NR5A2: variants seen among roughly 807,000 people sequenced by gnomAD.
NR5A2 encodes the protein nuclear receptor subfamily 5 group A member 2.
In NR5A2, 26 loss-of-function variants were observed where a neutral mutation model predicts 62.7. That is an observed-to-expected ratio of 0.41 (90% CI 0.30 to 0.58). NR5A2 has a LOEUF of 0.58. Among genes scored for constraint, NR5A2 ranks in the 20% least tolerant of loss-of-function variants. The pLI is 0.22. For synonymous variants in NR5A2, 246 were observed against 241.7 expected (o/e 1.02, Z -0.16); for missense variants, 541 against 669.1 (o/e 0.81, Z 2.11).
At chr1:200,156,563 T>C (rs1050128752) in intron 7 of NR5A2, among the ~76,000 whole-genome samples, 1 of 152,002 alleles carries the variant, frequency 6.6e-6, no homozygotes, top group Non-Finnish European at 1.5e-5. Context: ...CACACCCGGC[T>C]AATTTTTGTA....
intron 5 of NR5A2, among the ~76,000 whole-genome samples, chr1:200,053,563 G>GCACACACA (rs1356868019): frequency 2.8e-5 from 2 of 70,362 alleles, no homozygotes; most frequent in South Asian, 5.6e-4. Context: ...CCCCCAGCAT[G>GCACACACA]CACACGCACA....
chr1:200,142,806 T>C (rs1243502920), intron 7 of NR5A2, among the ~76,000 whole-genome samples: 1 of 152,136 alleles, frequency 6.6e-6, no homozygotes, highest in Non-Finnish European at 1.5e-5. Flanking sequence ...AATTAATCAA[T>C]TTATTTATTA....
rs1661400254 is a variant in NR5A2, at chr1:200,027,786, AC to A, written c.-61del. The stretch of plus-strand genomic sequence containing the variant: ...AAGGCCACGAAATTTGACAAGCTGC[AC>A]TTTTCTTTTGCTCAATGATTTCTGC... On this transcript the variant is annotated 5_prime_UTR_variant, in exon 1 of 8. Coordinates refer to ENST00000367362, the MANE Select transcript of NR5A2 (RefSeq NM_205860.3). The A allele has an allele frequency of 2.4e-6, 3 of 1,257,020 alleles. No homozygotes were observed. The East Asian group carries it at 7.1e-5, about 30-fold the overall frequency. 77.9% of individuals were successfully genotyped at this position (1,257,020 alleles called of 1,614,324 possible). A position where few individuals can be genotyped will look rare whatever the true frequency, so the allele number is the denominator to read the frequency against.
chr1:200,084,310 A>T (rs1238958750), intron 5 of NR5A2, among the ~76,000 whole-genome samples: 1 of 152,140 alleles, frequency 6.6e-6, no homozygotes, highest in Non-Finnish European at 1.5e-5. Flanking sequence ...CCTTCAGGAG[A>T]TCATACCAGT....
At chr1:200,046,914 T>G (rs1662395041) in intron 4 of NR5A2, among the ~76,000 whole-genome samples, 1 of 152,220 alleles carries the variant, frequency 6.6e-6, no homozygotes, top group Admixed American at 6.5e-5. Flanking sequence ...TCACTTGTGG[T>G]ACATGCTCAT....
At chr1:200,112,079 GAA>G (rs536242858) in intron 6 of NR5A2, among the ~76,000 whole-genome samples, 1 of 98,594 alleles carries the variant, frequency 1.0e-5, no homozygotes, top group Admixed American at 1.0e-4. Flanking sequence ...CTGAATAAAA[GAA>G]AAAAAAAAAA....
intron 5 of NR5A2, among the ~76,000 whole-genome samples, chr1:200,091,638 C>G (rs1314841189): frequency 6.6e-6 from 1 of 152,046 alleles, no homozygotes; most frequent in Admixed American, 6.6e-5. Flanking sequence ...GTGTACACTA[C>G]CATGCCCAGC....
chr1:200,113,872 A>AAAAG (rs1666079596), intron 6 of NR5A2, among the ~76,000 whole-genome samples: 1 of 152,114 alleles, frequency 6.6e-6, no homozygotes, highest in African/African-American at 2.4e-5. Context: ...ATGCTAGAGG[A>AAAAG]AAAGAGGATT....
chr1:200,151,560 T>G (rs1653122039), intron 7 of NR5A2, among the ~76,000 whole-genome samples: 1 of 152,160 alleles, frequency 6.6e-6, no homozygotes, highest in African/African-American at 2.4e-5. Context: ...TTTCCCAGAC[T>G]GCATTAGAAA....
intron 2 of NR5A2, among the ~76,000 whole-genome samples, chr1:200,042,283 C>G (rs1381085940): frequency 6.6e-6 from 1 of 152,170 alleles, no homozygotes; most frequent in Non-Finnish European, 1.5e-5. Flanking sequence ...CGGGAAGAGA[C>G]GCGTCAACTC....
chr1:200,058,775 G>C (rs1003702704), intron 5 of NR5A2, among the ~76,000 whole-genome samples: 5 of 149,806 alleles, frequency 3.3e-5, no homozygotes. Flanking sequence ...CACCGCGCTG[G>C]GCTGGGTTTT....
chr1:200,054,596 T>C (rs1374883781), intron 5 of NR5A2, among the ~76,000 whole-genome samples: 6 of 152,196 alleles, frequency 3.9e-5, no homozygotes, highest in African/African-American at 1.4e-4. Flanking sequence ...AACTCCCAAC[T>C]AGCATTTCTG....
intron 7 of NR5A2, among the ~76,000 whole-genome samples, chr1:200,160,827 A>G (rs1003861807): frequency 1.3e-5 from 2 of 151,920 alleles, no homozygotes; most frequent in Admixed American, 6.6e-5. Flanking sequence ...CTTTCATATG[A>G]TAACGTTGGT....
At chr1:200,072,010 G>A (rs1663759013) in intron 5 of NR5A2, among the ~76,000 whole-genome samples, 1 of 152,130 alleles carries the variant, frequency 6.6e-6, no homozygotes, top group African/African-American at 2.4e-5. Context: ...ATGCACTTTT[G>A]TTGTCTTAGA....
intron 5 of NR5A2, among the ~76,000 whole-genome samples, chr1:200,050,631 C>T (rs1327675337): frequency 6.6e-6 from 1 of 152,244 alleles, no homozygotes; most frequent in African/African-American, 2.4e-5. Context: ...TGGCTCATGC[C>T]TGTAATCCCA....
At chr1:200,070,755 A>AT (rs1170090779) in intron 5 of NR5A2, among the ~76,000 whole-genome samples, 3 of 128,138 alleles carry the variant, frequency 2.3e-5, no homozygotes, top group African/African-American at 8.7e-5. Context: ...CCCCAGCCCC[A>AT]TCCCCCCCAC....
chr1:200,074,406 G>GA (rs565272182), intron 5 of NR5A2, among the ~76,000 whole-genome samples: 78 of 92,742 alleles, frequency 8.4e-4, no homozygotes, highest in African/African-American at 1.6e-3. Context: ...TAAAAGAAAA[G>GA]AAAAAAAAAA....
intron 4 of NR5A2, among the ~76,000 whole-genome samples, chr1:200,047,584 C>CT (rs3066613): frequency 2.0e-5 from 3 of 148,308 alleles, no homozygotes; most frequent in Admixed American, 6.7e-5. Context: ...TATTTCTTTT[C>CT]TTTTTTTTGA....
intron 5 of NR5A2, among the ~76,000 whole-genome samples, chr1:200,077,970 T>G (rs1664118080): frequency 6.6e-6 from 1 of 152,156 alleles, no homozygotes; most frequent in African/African-American, 2.4e-5. Context: ...ACAGAAATTT[T>G]GCATGCAATC....
Sources: allele counts gnomAD v4.1 joint callset (sites outside exome capture counted in the v4.1 genomes callset), GRCh38; gene constraint gnomAD v4.1.1; transcripts MANE v1.5; gene names NCBI Gene and HGNC (gene_info 2026-07-23, HGNC 2026-07-21).